Variants in MAPK9 observed in about 807,000 individuals in gnomAD.
The protein encoded by MAPK9 is mitogen-activated protein kinase 9, also known as Jun kinase.
A neutral mutation model predicts 57.1 loss-of-function variants in MAPK9; 30 were observed. The observed-to-expected ratio is 0.53, with a 90% CI of 0.39 to 0.71. The LOEUF is 0.71. Ranked by LOEUF, MAPK9 falls within the 30% of genes least tolerant of loss-of-function variation. The pLI is 0.00. For missense variants in MAPK9, 362 were observed against 521.0 expected (o/e 0.69, Z 2.97); for synonymous variants, 155 against 177.0 (o/e 0.88, Z 0.99).
chr5:180,279,483 C>T (rs1052783027), intron 2 of MAPK9, among the ~76,000 whole-genome samples: 1 of 152,092 alleles, frequency 6.6e-6, no homozygotes, highest in Admixed American at 6.6e-5. Flanking sequence ...CATAGGTCTC[C>T]GCAACAAAGG....
chr5:180,271,239 G>A (rs1446827798), intron 2 of MAPK9, among the ~76,000 whole-genome samples: 1 of 152,198 alleles, frequency 6.6e-6, no homozygotes, highest in Non-Finnish European at 1.5e-5. Context: ...AAGCATCTAA[G>A]TGGGCATAAG....
At chr5:180,254,304 T>G (rs1165749374) in intron 5 of MAPK9, among the ~76,000 whole-genome samples, 1 of 152,114 alleles carries the variant, frequency 6.6e-6, no homozygotes, top group East Asian at 1.9e-4. Flanking sequence ...ACCAGACATT[T>G]GGGGAAAGCC....
At chr5:180,243,886 C>T (rs1757852263) in intron 7 of MAPK9, among the ~76,000 whole-genome samples, 4 of 152,182 alleles carry the variant, frequency 2.6e-5, no homozygotes, top group Non-Finnish European at 4.4e-5. Flanking sequence ...CTCGCTCTGT[C>T]GCCCAGGCTG....
chr5:180,236,314 C>G lies in MAPK9; in HGVS notation c.*70G>C. ...GAGTTTTTCTATTTGGTTCCATCAA[C>G]TCCCAAGCATTTCAGGCCCACGGAG... On this transcript the variant is annotated 3_prime_UTR_variant, in exon 12 of 12. Coordinates refer to ENST00000452135, the MANE Select transcript of MAPK9 (RefSeq NM_002752.5). 1 of 1,505,096 alleles carries G rather than the reference C, an allele frequency of 6.6e-7. No homozygotes were observed. Among genetic ancestry groups the G allele is most frequent in the East Asian group, 2.3e-5 (1 of 43,034 alleles). 93.2% of individuals were successfully genotyped at this position (1,505,096 alleles called of 1,614,324 possible).
At chr5:180,250,190 GACACTTGGGAAGTGTCTGC>G (rs1758533998) in intron 5 of MAPK9, among the ~76,000 whole-genome samples, 1 of 152,182 alleles carries the variant, frequency 6.6e-6, no homozygotes, top group South Asian at 2.1e-4. Flanking sequence ...GGCGCGAGCA[GACACTTGGGAAGTGTCTGC>G]AGAATGAAGA....
chr5:180,247,858 C>T lies in MAPK9; in HGVS notation c.617-348G>A. ...CCGGGTCCCCTGTGAAGGATACAGT[C>T]TCTTCCCGGGAACAGGACTTTATGG... On this transcript the variant is annotated intron_variant, in intron 6 of 11. Transcript: ENST00000452135. This position sits in a 1 kb window ranked among gnomAD's most constrained non-coding sequence, Gnocchi z 4.5. 2 of 1,614,130 alleles carry T rather than the reference C, an allele frequency of 1.2e-6. No homozygotes were observed. Among genetic ancestry groups the T allele is most frequent in the Non-Finnish European group, 1.7e-6 (2 of 1,180,000 alleles).
In MAPK9 at chr5:180,238,404, C is replaced by CT; in HGVS notation, c.1061-2dup. On this transcript the variant is annotated splice_acceptor_variant, in intron 10 of 11. Transcript: ENST00000452135. LOFTEE classifies it high-confidence loss of function. ...TCCATGACTTCTTTGTAAATTAGCT[C>CT]TTTAATAAAAATACAAGTTAAAATG... 1 of 1,599,468 alleles carries CT rather than the reference C, an allele frequency of 6.3e-7. No individual in the cohort carries two copies. Among genetic ancestry groups the CT allele is most frequent in the Non-Finnish European group, 8.6e-7 (1 of 1,167,306 alleles).
At chr5:180,244,833 A>G (rs1437904456) in intron 7 of MAPK9, among the ~76,000 whole-genome samples, 2 of 151,330 alleles carry the variant, frequency 1.3e-5, no homozygotes, top group Non-Finnish European at 2.9e-5. Flanking sequence ...TGTGTCTCTA[A>G]TTCCCAGCCT....
Position 180,269,304 on chromosome 5 carries a change from G to A in MAPK9, c.228C>T (p.Leu76=), listed in dbSNP as rs1033494706. The A allele has an allele frequency of 3.1e-6, 5 of 1,613,750 alleles. No homozygotes were observed. In the African/African-American group the frequency reaches 6.7e-5, roughly 22 times the overall value. The change falls in exon 3 of 12, where the codon CTC becomes CTT. Residue 76 remains leucine (L), a synonymous_variant. Coordinates refer to ENST00000452135, the MANE Select transcript of MAPK9 (RefSeq NM_002752.5). ...CATTTTTATGATTGACACATTTTAA[G>A]AGGACAAGTTCACGATAAGCTCTCT... is the stretch of plus-strand genomic sequence containing the variant. ...HAKRAYRELV[L]LKCVNHKNII...
chr5:180,278,448 T>A (rs1390455432), intron 2 of MAPK9, among the ~76,000 whole-genome samples: 4 of 152,222 alleles, frequency 2.6e-5, no homozygotes, highest in African/African-American at 9.6e-5. Flanking sequence ...ATGCCTGTAA[T>A]CCCAGCACTT....
chr5:180,235,458 G>A lies in MAPK9; in HGVS notation c.*926C>T, dbSNP rs1278271601. 6.6e-6 allele frequency: 1 copy of A among 152,192 alleles called. No homozygotes were observed. The highest frequency in any genetic ancestry group is 1.5e-5 in the Non-Finnish European group (1 of 68,040). The allele number at this position is 152,192 out of a possible 1,614,324, so 9.4% of individuals were successfully genotyped here. A position where few individuals can be genotyped will look rare whatever the true frequency, so the allele number is the denominator to read the frequency against. On this transcript the variant is annotated 3_prime_UTR_variant, in exon 12 of 12. Transcript: ENST00000452135. ...TGCAGTGATCTCTAGTGAGCATTTT[G>A]TAAAATTCCACTCCAACGTTAGGCC... is the stretch of plus-strand genomic sequence containing the variant.
intron 2 of MAPK9, among the ~76,000 whole-genome samples, chr5:180,274,705 G>T (rs1761657428): frequency 6.6e-6 from 1 of 152,200 alleles, no homozygotes; most frequent in African/African-American, 2.4e-5. Context: ...GCTGGGCAAA[G>T]AACCCAGGCA....
At chr5:180,267,233 T>C (rs1374050826) in intron 3 of MAPK9, among the ~76,000 whole-genome samples, 1 of 152,210 alleles carries the variant, frequency 6.6e-6, no homozygotes, top group Non-Finnish European at 1.5e-5. Flanking sequence ...AAATAATATA[T>C]ATTTTTTGTA....
intron 2 of MAPK9, among the ~76,000 whole-genome samples, chr5:180,279,459 A>T (rs984141268): frequency 6.6e-6 from 1 of 152,252 alleles, no homozygotes; most frequent in East Asian, 1.9e-4. Flanking sequence ...GAAAAAAACA[A>T]CTGTTTCCCT....
At chr5:180,282,756 C>T (rs1290174170) in intron 1 of MAPK9, among the ~76,000 whole-genome samples, 1 of 152,244 alleles carries the variant, frequency 6.6e-6, no homozygotes, top group African/African-American at 2.4e-5. Context: ...AACACAGTTA[C>T]TTGCAAGCAT....
chr5:180,283,422 T>C (rs2127626627), intron 1 of MAPK9, among the ~76,000 whole-genome samples: 1 of 152,288 alleles, frequency 6.6e-6, no homozygotes, highest in East Asian at 1.9e-4. Flanking sequence ...ACCAGCTGGA[T>C]TCCTTAACTA....
At chr5:180,269,453 G>A in intron 2 of MAPK9, 44 bp from the exon 3 acceptor site, 2 of 1,568,896 alleles carry the variant, frequency 1.3e-6, no homozygotes, top group South Asian at 1.1e-5. Context: ...GAACGGTTTT[G>A]GAAAATACAG....
At chr5:180,238,605 CTT>C (rs1308338012) in intron 10 of MAPK9, among the ~76,000 whole-genome samples, 2 of 129,628 alleles carry the variant, frequency 1.5e-5, no homozygotes, top group Non-Finnish European at 1.6e-5. Context: ...TTTTCTTCTT[CTT>C]CTTTTTTTTT....
At chr5:180,267,554 T>C (rs1581252053) in intron 3 of MAPK9, among the ~76,000 whole-genome samples, 1 of 97,824 alleles carries the variant, frequency 1.0e-5, no homozygotes. Flanking sequence ...AGAGCGAGAC[T>C]CCGTCTCAAA....
Sources: gnomAD v4.1 joint callset for allele counts (sites outside exome capture counted in the v4.1 genomes callset) on GRCh38, gnomAD v4.1.1 for gene constraint, Gnocchi (gnomAD v3.1) non-coding constraint, MANE v1.5 for transcripts, NCBI Gene and HGNC (gene_info 2026-07-23, HGNC 2026-07-21) for gene names.